Variants in RSF1 observed in about 807,000 individuals in gnomAD.
The protein encoded by RSF1 is remodeling and spacing factor 1, also known as HBV pX-associated protein 8.
Under a neutral mutation model 145.2 loss-of-function variants are expected in RSF1, and 13 were observed. The ratio of observed to expected loss-of-function variants is 0.09; its 90% CI spans 0.06 to 0.14. RSF1 has a LOEUF of 0.14. RSF1 is among the 10% of genes least tolerant of loss of function. RSF1 has a pLI of 1.00. For missense variants in RSF1, 1,517 were observed against 1,718.2 expected (o/e 0.88, Z 2.07); for synonymous variants, 577 against 592.6 (o/e 0.97, Z 0.38).
the RSF1 span, chr11:77,850,876 T>C: frequency 1.3e-5 from 2 of 151,298 alleles, no homozygotes; most frequent in Admixed American, 6.6e-5. Context: ...ATTTCTCTCC[T>C]AAGGACATGA....
At chr11:77,850,662 A>G in the RSF1 span, 1 of 152,212 alleles carries the variant, frequency 6.6e-6, no homozygotes, top group East Asian at 1.9e-4. Flanking sequence ...TTAAACCTAC[A>G]GAATAGTTAT....
At chr11:77,786,901 A>T (rs1948462092) in intron 1 of RSF1, among the ~76,000 whole-genome samples, 1 of 152,232 alleles carries the variant, frequency 6.6e-6, no homozygotes, top group African/African-American at 2.4e-5. Context: ...GATGCAAAAC[A>T]GAGATAAACC....
intron 2 of RSF1, among the ~76,000 whole-genome samples, chr11:77,749,067 T>C (rs1404650367): frequency 6.6e-6 from 1 of 152,140 alleles, no homozygotes; most frequent in Non-Finnish European, 1.5e-5. Context: ...AGGCCACATA[T>C]TGCATGATTC....
At chr11:77,810,803 A>G (rs1336133613) in intron 1 of RSF1, among the ~76,000 whole-genome samples, 1 of 152,152 alleles carries the variant, frequency 6.6e-6, no homozygotes, top group African/African-American at 2.4e-5. Flanking sequence ...TTCTAAATGT[A>G]TTTTCAAAAA....
At chr11:77,687,421 C>T (rs1960038509) in intron 9 of RSF1, among the ~76,000 whole-genome samples, 1 of 152,012 alleles carries the variant, frequency 6.6e-6, no homozygotes, top group South Asian at 2.1e-4. Context: ...TGTGGTAGCT[C>T]ATGCCTGTAA....
intron 12 of RSF1, 98 bp downstream of exon 12, chr11:77,677,988 G>T: frequency 1.3e-6 from 1 of 799,894 alleles, no homozygotes; most frequent in South Asian, 1.5e-5. Flanking sequence ...TACATAACGG[G>T]AAAGAGAATA....
chr11:77,702,244 A>G lies in RSF1; in HGVS notation c.985T>C (p.Cys329Arg). Residue 329 changes from cysteine (C) to arginine (R), a missense_variant, in exon 6 of 16, where the codon TGT becomes CGT. Cys to Arg is a radical substitution (Grantham distance 180). This residue lies in a region of RSF1 where 207 missense variants were observed against 191.4 expected (regional missense o/e 1.08). Coordinates refer to ENST00000308488, the MANE Select transcript of RSF1 (RefSeq NM_016578.4). Reference protein sequence around the residue: ...VKPIKVEVKECRADPKDTKSS... With the variant: ...VKPIKVEVKERRADPKDTKSS... Reference sequence around the variant, plus strand: ...TTGGTATCTTTAGGATCTGCTCTACATTCCTTCACCTCAACTTTAATGGGT... The same window carrying G: ...TTGGTATCTTTAGGATCTGCTCTACGTTCCTTCACCTCAACTTTAATGGGT... The G allele has an allele frequency of 6.2e-7, 1 of 1,612,994 alleles. No homozygotes were observed. The highest frequency in any genetic ancestry group is 8.5e-7 in the Non-Finnish European group (1 of 1,179,762).
At chr11:77,820,131 A>G (rs1297926759) in intron 1 of RSF1, among the ~76,000 whole-genome samples, 1 of 152,006 alleles carries the variant, frequency 6.6e-6, no homozygotes, top group African/African-American at 2.4e-5. Flanking sequence ...GGTGGGGAGG[A>G]GGAGAAAAGC....
At chr11:77,847,921 A>G in the RSF1 span, among the ~76,000 whole-genome samples, 4 of 152,270 alleles carry the variant, frequency 2.6e-5, no homozygotes, top group East Asian at 5.8e-4. Context: ...AGCAGAAGAA[A>G]TTGAGATGAG....
chr11:77,697,741 AT>A (rs897229785), intron 7 of RSF1, among the ~76,000 whole-genome samples: 1 of 151,550 alleles, frequency 6.6e-6, no homozygotes, highest in African/African-American at 2.4e-5. Context: ...AGGTGTATAT[AT>A]TTATAGGGTA....
At chr11:77,690,039 G>A (rs201698319) in intron 9 of RSF1, among the ~76,000 whole-genome samples, 1 of 151,850 alleles carries the variant, frequency 6.6e-6, no homozygotes, top group Non-Finnish European at 1.5e-5. Context: ...GCGGGTGCCT[G>A]TAGTCCCAGC....
At chr11:77,745,910 G>T (rs1170158742) in intron 3 of RSF1, among the ~76,000 whole-genome samples, 2 of 151,774 alleles carry the variant, frequency 1.3e-5, no homozygotes, top group Non-Finnish European at 2.9e-5. Context: ...AAAAAAATTT[G>T]TAACACACCC....
chr11:77,688,033 G>A (rs978695991), intron 9 of RSF1, among the ~76,000 whole-genome samples: 3 of 152,182 alleles, frequency 2.0e-5, no homozygotes, highest in African/African-American at 7.2e-5. Context: ...GCTCATGACT[G>A]TAATCCCAGC....
intron 4 of RSF1, chr11:77,734,680 A>T: frequency 7.2e-7 from 1 of 1,398,386 alleles, no homozygotes; most frequent in Non-Finnish European, 1.0e-6. Flanking sequence ...GTGCAGTTCC[A>T]GTAGTGACTG....
chr11:77,667,747 T>C (rs1959408602), intron 15 of RSF1, among the ~76,000 whole-genome samples: 1 of 152,180 alleles, frequency 6.6e-6, no homozygotes, highest in Admixed American at 6.5e-5. Flanking sequence ...ACTGTTGCCC[T>C]GGCTAGAATA....
In RSF1 at chr11:77,675,228, C is replaced by T. The variant is rs1436527157; in HGVS notation, c.3370G>A (p.Glu1124Lys). Residue 1124 changes from glutamate to lysine, a missense_variant, in exon 14 of 16, where the codon GAA becomes AAA. Transcript: ENST00000308488. Reference protein sequence around the residue: ...GSQDEFVVSDENPDESEEDPP... With the variant: ...GSQDEFVVSDKNPDESEEDPP... Reference sequence around the variant, plus strand: ...TCTTCTTCACTTTCATCTGGGTTTTCATCAGACACAACAAACTCATCTTGA... The same window carrying T: ...TCTTCTTCACTTTCATCTGGGTTTTTATCAGACACAACAAACTCATCTTGA... The T allele has an allele frequency of 1.9e-5, 31 of 1,613,550 alleles. No individual in the cohort carries two copies. Among genetic ancestry groups the T allele is most frequent in the Non-Finnish European group, 2.5e-5 (30 of 1,179,946 alleles).
At chr11:77,768,160 G>GTT (rs1948245151) in intron 1 of RSF1, among the ~76,000 whole-genome samples, 2 of 130,262 alleles carry the variant, frequency 1.5e-5, no homozygotes, top group African/African-American at 3.2e-5. Flanking sequence ...CATATTATCA[G>GTT]CTTTTTTTTT....
At chr11:77,758,209 A>G (rs577984407) in intron 2 of RSF1, among the ~76,000 whole-genome samples, 4 of 152,274 alleles carry the variant, frequency 2.6e-5, no homozygotes, top group Admixed American at 6.5e-5. Context: ...ACAAGTCTAC[A>G]TGGTTTTACC....
the RSF1 span, among the ~76,000 whole-genome samples, chr11:77,860,751 A>G: frequency 6.6e-6 from 1 of 152,184 alleles, no homozygotes; most frequent in Non-Finnish European, 1.5e-5. Context: ...ATTGAGAGTC[A>G]GGATGTACAG....
Sources: gnomAD v4.1 joint callset for allele counts (sites outside exome capture counted in the v4.1 genomes callset) on GRCh38, gnomAD v4.1.1 for gene constraint, gnomAD v4.1.1 regional missense constraint, MANE v1.5 for transcripts, NCBI Gene and HGNC (gene_info 2026-07-23, HGNC 2026-07-21) for gene names.